Variants in DTNA observed in about 807,000 individuals in gnomAD.
DTNA encodes the protein dystrophin-related protein 3.
DTNA carries 43 observed loss-of-function variants against 100.7 expected under a neutral mutation model. That is an observed-to-expected ratio of 0.43 (90% CI 0.33 to 0.55). The LOEUF (loss-of-function observed/expected upper bound fraction) is 0.55, where lower values mean the gene tolerates loss of function less well. Among genes scored for constraint, DTNA ranks in the 20% least tolerant of loss-of-function variants. The pLI is 0.04. For missense variants in DTNA, 798 were observed against 953.9 expected (o/e 0.84, Z 2.15); for synonymous variants, 349 against 347.9 (o/e 1.00, Z -0.04).
intron 1 of DTNA, among the ~76,000 whole-genome samples, chr18:34,495,421 A>G (rs1241275503): frequency 6.6e-6 from 1 of 152,232 alleles, no homozygotes; most frequent in Non-Finnish European, 1.5e-5. Flanking sequence ...AGCAAAGTAA[A>G]TTATTATAAA....
chr18:34,577,319 C>G (rs1050619872), intron 1 of DTNA, among the ~76,000 whole-genome samples: 1 of 151,970 alleles, frequency 6.6e-6, no homozygotes, highest in Non-Finnish European at 1.5e-5. Flanking sequence ...ATATCTTTTA[C>G]CATTTTTAAA....
chr18:34,595,537 A>G (rs765220533), intron 1 of DTNA, among the ~76,000 whole-genome samples: 5 of 152,206 alleles, frequency 3.3e-5, no homozygotes, highest in South Asian at 2.1e-4. Context: ...AAAATTGTCA[A>G]TCTTAGCTTT....
At chr18:34,568,272 G>GTA (rs145673913) in intron 1 of DTNA, among the ~76,000 whole-genome samples, 1,962 of 152,266 alleles carry the variant, frequency 0.013, 37 homozygotes, top group African/African-American at 0.046. Context: ...ACACCACTGT[G>GTA]TATATGTGTG....
chr18:34,867,817 C>T (rs1022028431), intron 17 of DTNA: 11 of 985,458 alleles, frequency 1.1e-5, no homozygotes, highest in Non-Finnish European at 4.8e-6. Flanking sequence ...CCTCACCTTC[C>T]AGCTCCTCTC....
chr18:34,712,298 G>C (rs2083057416), intron 1 of DTNA, among the ~76,000 whole-genome samples: 1 of 152,010 alleles, frequency 6.6e-6, no homozygotes, highest in African/African-American at 2.4e-5. Context: ...GAAGAGAGTA[G>C]TATGGATGAG....
chr18:34,665,488 A>G lies in DTNA; in HGVS notation c.-1-90488A>G, dbSNP rs575633687. Among the ~76,000 whole-genome samples the G allele has an allele frequency of 8.9e-4, 135 of 152,290 alleles. 1 individual carries two copies. The highest frequency in any genetic ancestry group is 3.7e-3 in the Admixed American group (57 of 15,288). On this transcript the variant is annotated intron_variant, in intron 1 of 19. Transcript: ENST00000283365. ...TGCACAATGTGCAGGTTTGTTACATATGTATACATGTGCCATATTGGTGTG... is the reference window on the plus strand; with the variant it reads ...TGCACAATGTGCAGGTTTGTTACATGTGTATACATGTGCCATATTGGTGTG...
Position 34,841,010 on chromosome 18 carries a change from A to T in DTNA, c.1346+2173A>T, listed in dbSNP as rs2096257943. ...TATAATAATAGTAATAATAATAGTA[A>T]GTGTTTTTAAAACACTTACCTCATG... On this transcript the variant is annotated intron_variant, in intron 13 of 22. Coordinates refer to ENST00000444659, the MANE Select transcript of DTNA (RefSeq NM_001386795.1). Among the ~76,000 whole-genome samples, 3 of 152,234 alleles carry T rather than the reference A, an allele frequency of 2.0e-5. No individual in the cohort carries two copies. The South Asian group carries it at 6.2e-4, about 32-fold the overall frequency.
chr18:34,774,535 CATAA>C (rs1273065308), intron 3 of DTNA, among the ~76,000 whole-genome samples: 1 of 152,166 alleles, frequency 6.6e-6, no homozygotes, highest in African/African-American at 2.4e-5. Context: ...GTATTCACTC[CATAA>C]ATAGAGACAG....
chr18:34,830,465 G>A (rs1301932462), intron 11 of DTNA, among the ~76,000 whole-genome samples: 9 of 152,124 alleles, frequency 5.9e-5, no homozygotes, highest in African/African-American at 9.7e-5. Context: ...AAGACACAGG[G>A]ATATAACTTT....
chr18:34,749,643 A>AAAAAAAAAAAT (rs1210485347), intron 1 of DTNA, among the ~76,000 whole-genome samples: 2 of 39,810 alleles, frequency 5.0e-5, no homozygotes, highest in African/African-American at 1.4e-4. Context: ...TCTCTCCAAA[A>AAAAAAAAAAAT]AATAATAATA....
Position 34,818,189 on chromosome 18 carries a change from C to T in DTNA, c.735C>T (p.Tyr245=). 1.2e-6 allele frequency: 2 copies of T among 1,614,072 alleles called. No homozygotes were observed. Among genetic ancestry groups the T allele is most frequent in the Non-Finnish European group, 1.7e-6 (2 of 1,179,952 alleles). Residue 245 remains tyrosine (Y), a synonymous_variant, in exon 8 of 23, where the codon TAC becomes TAT. Transcript: ENST00000444659. Reference sequence around the variant, plus strand: ...TCTTCCATCCGGTTGAGTGTTCCTACTGCCACAGTGAGAGTATGATGGGAT... The same window carrying T: ...TCTTCCATCCGGTTGAGTGTTCCTATTGCCACAGTGAGAGTATGATGGGAT... ...ENVFHPVECS[Y]CHSESMMGFR...
intron 1 of DTNA, among the ~76,000 whole-genome samples, chr18:34,557,380 T>G (rs948845634): frequency 6.6e-6 from 1 of 151,570 alleles, no homozygotes; most frequent in African/African-American, 2.4e-5. Context: ...TCAAAGTCAT[T>G]CTCCATCCAG....
chr18:34,826,173 T>C (rs1441134766), intron 9 of DTNA, among the ~76,000 whole-genome samples: 1 of 152,350 alleles, frequency 6.6e-6, no homozygotes, highest in Non-Finnish European at 1.5e-5. Context: ...TCTCAGAGTA[T>C]AGTTTAGCAC....
At chr18:34,669,600 G>A (rs980817636) in intron 1 of DTNA, among the ~76,000 whole-genome samples, 26 of 152,230 alleles carry the variant, frequency 1.7e-4, no homozygotes, top group Admixed American at 1.6e-3. Context: ...CTTCCTTCAG[G>A]AGCTCTTGTA....
Position 34,890,376 on chromosome 18 carries a change from G to A in DTNA, c.*2642G>A, listed in dbSNP as rs1345537795. ...ACAAAATGGCGTGTGTTATTTTGGG[G>A]TTTTGTGTTTTTTGGTGGGTTTCTT... On this transcript the variant is annotated 3_prime_UTR_variant, in exon 23 of 23. Transcript: ENST00000444659. 1 of 1,535,974 alleles carries A rather than the reference G, an allele frequency of 6.5e-7. No individual in the cohort carries two copies. The highest frequency in any genetic ancestry group is 1.4e-5 in the African/African-American group (1 of 73,028).
At chr18:34,818,751 G>T (rs912969855) in intron 8 of DTNA, 4 of 623,590 alleles carry the variant, frequency 6.4e-6, no homozygotes, top group Admixed American at 9.7e-5. Context: ...TGCGTGACTA[G>T]AATATTAAAG....
chr18:34,769,553 T>C (rs1436830995), intron 3 of DTNA, among the ~76,000 whole-genome samples: 1 of 152,012 alleles, frequency 6.6e-6, no homozygotes, highest in East Asian at 1.9e-4. Context: ...AAAAATACCA[T>C]AAACTGGGTG....
intron 1 of DTNA, among the ~76,000 whole-genome samples, chr18:34,713,490 A>G (rs1025446620): frequency 2.0e-5 from 3 of 151,954 alleles, no homozygotes; most frequent in South Asian, 2.1e-4. Flanking sequence ...CCATTGATCT[A>G]TATCTCTGTT....
At chr18:34,624,528 C>A (rs574797321) in intron 1 of DTNA, among the ~76,000 whole-genome samples, 1 of 152,216 alleles carries the variant, frequency 6.6e-6, no homozygotes, top group African/African-American at 2.4e-5. Flanking sequence ...TTCTCACATG[C>A]CAAATGCCAA....
Sources: allele counts gnomAD v4.1 joint callset (sites outside exome capture counted in the v4.1 genomes callset), GRCh38; gene constraint gnomAD v4.1.1; transcripts MANE v1.5; gene names NCBI Gene and HGNC (gene_info 2026-07-23, HGNC 2026-07-21).